The following BUB3 variants were observed in gnomAD, a reference collection of about 807,000 sequenced individuals.
BUB3 encodes the protein mitotic checkpoint protein BUB3.
BUB3 carries 22 observed loss-of-function variants against 39.9 expected under a neutral mutation model. That is an observed-to-expected ratio of 0.55 (90% CI 0.39 to 0.79). The LOEUF (loss-of-function observed/expected upper bound fraction) is 0.79, where lower values mean the gene tolerates loss of function less well. BUB3 is among the 30% of genes least tolerant of loss of function. The pLI is 0.00. For synonymous variants in BUB3, 168 were observed against 155.1 expected (o/e 1.08, Z -0.62); for missense variants, 303 against 415.4 (o/e 0.73, Z 2.35).
Position 123,162,232 on chromosome 10 carries a change from G to A in BUB3, c.577-4G>A, listed in dbSNP as rs1844433574. 1 of 1,604,596 alleles carries A rather than the reference G, an allele frequency of 6.2e-7. No individual in the cohort carries two copies. The highest frequency in any genetic ancestry group is 1.1e-5 in the South Asian group (1 of 89,752). On this transcript the variant is annotated splice_polypyrimidine_tract_variant and splice_region_variant and intron_variant, in intron 5 of 7. Transcript: ENST00000368865. ...ATTTTTTTCCTCTGGTTCTCTCTTGGCAGGGTTATGTATTAAGCTCTATTG... is the reference window on the plus strand; with the variant it reads ...ATTTTTTTCCTCTGGTTCTCTCTTGACAGGGTTATGTATTAAGCTCTATTG...
Position 123,160,545 on chromosome 10 carries a change from C to G in BUB3, c.556C>G (p.Arg186Gly). 6.2e-7 allele frequency: 1 copy of G among 1,601,514 alleles called. No homozygotes were observed. The highest frequency in any genetic ancestry group is 8.5e-7 in the Non-Finnish European group (1 of 1,176,272). ...CCTGAAATACCAGACTCGCTGCATA[C>G]GAGCGTTTCCAAACAAGCAGGTATT... is the stretch of plus-strand genomic sequence containing the variant. ...SSLKYQTRCI[R>G]AFPNKQGYVL... Residue 186 changes from arginine (R) to glycine (G), a missense_variant, in exon 5 of 8, where the codon CGA (arginine) becomes GGA (glycine). Physicochemically the swap from Arg to Gly is moderately radical, Grantham distance 125. This residue lies in a region of BUB3 where 182 missense variants were observed against 293.1 expected (regional missense o/e 0.62). Coordinates refer to ENST00000368865, the MANE Select transcript of BUB3 (RefSeq NM_004725.4).
intron 3 of BUB3, among the ~76,000 whole-genome samples, 195 bp downstream of exon 3, chr10:123,155,922 G>T (rs898682898): frequency 1.3e-5 from 2 of 152,112 alleles, no homozygotes; most frequent in African/African-American, 2.4e-5. Context: ...ATGTATTTTT[G>T]CAGTAAAGCC....
chr10:123,164,327 T>G lies in BUB3; in HGVS notation c.*492T>G. On this transcript the variant is annotated 3_prime_UTR_variant, in exon 8 of 8. Transcript: ENST00000368865. Reference sequence around the variant, plus strand: ...AATATTTCCTCTTGGCCGTCCATTATTTTCTGAAGCAGATGGTTCATCATT... The same window carrying G: ...AATATTTCCTCTTGGCCGTCCATTAGTTTCTGAAGCAGATGGTTCATCATT... The G allele has an allele frequency of 1.0e-6, 1 of 986,022 alleles. No homozygotes were observed. The highest frequency in any genetic ancestry group is 1.2e-6 in the Non-Finnish European group (1 of 830,384). 61.1% of individuals were successfully genotyped at this position (986,022 alleles called of 1,614,324 possible). A position where few individuals can be genotyped will look rare whatever the true frequency, so the allele number is the denominator to read the frequency against.
chr10:123,162,389 A>G lies in BUB3; in HGVS notation c.730A>G (p.Asn244Asp), dbSNP rs1464018349. 1.2e-6 allele frequency: 2 copies of G among 1,613,914 alleles called. No homozygotes were observed. The highest frequency in any genetic ancestry group is 1.7e-6 in the Non-Finnish European group (2 of 1,179,970). ...IYPVNAISFHNIHNTFATGGS... is the reference protein window; with the variant it reads ...IYPVNAISFHDIHNTFATGGS... ...CCCAGTCAATGCCATTTCTTTTCAC[A>G]ATATCCACAATACATTTGCCACAGG... The change falls in exon 6 of 8, where the codon AAT (asparagine) becomes GAT (aspartate). Residue 244 changes from asparagine to aspartate, a missense_variant. Physicochemically the swap from Asn to Asp is conservative, Grantham distance 23. This residue lies in a region of BUB3 where 182 missense variants were observed against 293.1 expected (regional missense o/e 0.62). Coordinates refer to ENST00000368865, the MANE Select transcript of BUB3 (RefSeq NM_004725.4).
intron 1 of BUB3, 56 bp from the exon 2 acceptor site, chr10:123,154,862 C>T (rs866852969): frequency 1.9e-6 from 3 of 1,543,802 alleles, no homozygotes; most frequent in Middle Eastern, 4.4e-4. Flanking sequence ...GCCAGGCTGT[C>T]AGTGCGCAGC....
Position 123,162,747 on chromosome 10 carries a change from A to G in BUB3, c.890A>G (p.Tyr297Cys). The change falls in exon 7 of 8, where the codon TAT becomes TGT. Residue 297 changes from tyrosine (Y) to cysteine (C), a missense_variant. This residue lies in a region of BUB3 where 182 missense variants were observed against 293.1 expected (regional missense o/e 0.62). Coordinates refer to ENST00000368865, the MANE Select transcript of BUB3 (RefSeq NM_004725.4). ...ACTACGCTTGCAATAGCGTCATCAT[A>G]TATGTATGAAATGGATGACACAGAA... ...DGTTLAIASSYMYEMDDTEHP... is the reference protein window; with the variant it reads ...DGTTLAIASSCMYEMDDTEHP... The G allele has an allele frequency of 6.2e-7, 1 of 1,614,012 alleles. No homozygotes were observed. Among genetic ancestry groups the G allele is most frequent in the Non-Finnish European group, 8.5e-7 (1 of 1,179,944 alleles).
In BUB3 at chr10:123,170,428, G is replaced by C. The variant is rs1844534598; in HGVS notation, c.*6593G>C. ...ATTTTAAAAAGTTCAATGTTTTTCT[G>C]TATTTTATCTCTTCATTTTAAAATA... On this transcript the variant is annotated 3_prime_UTR_variant, in exon 8 of 8. Coordinates refer to ENST00000368865, the MANE Select transcript of BUB3 (RefSeq NM_004725.4). 6.6e-6 allele frequency: 1 copy of C among 152,062 alleles called. No individual in the cohort carries two copies. Among genetic ancestry groups the C allele is most frequent in the Non-Finnish European group, 1.5e-5 (1 of 67,998 alleles). The allele number at this position is 152,062 out of a possible 1,614,324, so 9.4% of individuals were successfully genotyped here. A position where few individuals can be genotyped will look rare whatever the true frequency, so the allele number is the denominator to read the frequency against.
Position 123,164,057 on chromosome 10 carries a change from G to A in BUB3, c.*222G>A. ...GGTTTGCTGCATTAAAGGTATTTGG[G>A]CAAACAAAATTGGAGGGCAAGTGAC... is the stretch of plus-strand genomic sequence containing the variant. On this transcript the variant is annotated 3_prime_UTR_variant, in exon 8 of 8. Transcript: ENST00000368865. The A allele has an allele frequency of 8.2e-7, 1 of 1,218,436 alleles. No individual in the cohort carries two copies. The highest frequency in any genetic ancestry group is 1.0e-6 in the Non-Finnish European group (1 of 977,360). The allele number at this position is 1,218,436 out of a possible 1,614,324, so 75.5% of individuals were successfully genotyped here. A position where few individuals can be genotyped will look rare whatever the true frequency, so the allele number is the denominator to read the frequency against.
rs549131386 is a variant in BUB3, at chr10:123,157,996, A to G, written c.417+116A>G. 319 of 1,131,496 alleles carry G rather than the reference A, an allele frequency of 2.8e-4. 5 individuals are homozygous for G. The South Asian group carries it at 6.6e-3, about 24-fold the overall frequency. The allele number at this position is 1,131,496 out of a possible 1,614,324, so 70.1% of individuals were successfully genotyped here. ...AGGTGAAAAGTCAACATGGGGGGAAAAAAGGTTGACAGTTGGTTTTATAAA... is the reference window on the plus strand; with the variant it reads ...AGGTGAAAAGTCAACATGGGGGGAAGAAAGGTTGACAGTTGGTTTTATAAA... On this transcript the variant is annotated intron_variant, in intron 4 of 7. Coordinates refer to ENST00000368865, the MANE Select transcript of BUB3 (RefSeq NM_004725.4).
intron 1 of BUB3, 122 bp downstream of exon 1, chr10:123,154,607 T>G: frequency 3.5e-6 from 1 of 286,364 alleles, no homozygotes; most frequent in South Asian, 7.4e-5. Context: ...TCCCTTTATT[T>G]TTAGGAGTGC....
chr10:123,167,470 G>A lies in BUB3; in HGVS notation c.*3635G>A, dbSNP rs886561547. 6.6e-6 allele frequency: 1 copy of A among 152,028 alleles called. No individual in the cohort carries two copies. The allele number at this position is 152,028 out of a possible 1,614,324, so 9.4% of individuals were successfully genotyped here. A position where few individuals can be genotyped will look rare whatever the true frequency, so the allele number is the denominator to read the frequency against. ...TATTGCCTGGCATTTAAACATTTTT[G>A]TATGCGTACATCTTGCTTTCCTACT... On this transcript the variant is annotated 3_prime_UTR_variant, in exon 8 of 8. Transcript: ENST00000368865.
chr10:123,165,237 A>T lies in BUB3; in HGVS notation c.*1402A>T. The T allele has an allele frequency of 1.6e-6, 1 of 609,174 alleles. No individual in the cohort carries two copies. The highest frequency in any genetic ancestry group is 4.5e-4 in the Middle Eastern group (1 of 2,214). 37.7% of individuals were successfully genotyped at this position (609,174 alleles called of 1,614,324 possible). A position where few individuals can be genotyped will look rare whatever the true frequency, so the allele number is the denominator to read the frequency against. On this transcript the variant is annotated 3_prime_UTR_variant, in exon 8 of 8. Transcript: ENST00000368865. Reference sequence around the variant, plus strand: ...AGGAGTCTTTGTGTCCCTGTACAGTAGTCTGACGTATTTCCCCTTCTGTCC... The same window carrying T: ...AGGAGTCTTTGTGTCCCTGTACAGTTGTCTGACGTATTTCCCCTTCTGTCC...
chr10:123,160,206 T>A (rs1844402494), intron 4 of BUB3, among the ~76,000 whole-genome samples: 1 of 152,194 alleles, frequency 6.6e-6, no homozygotes, highest in African/African-American at 2.4e-5. Flanking sequence ...CTTGGTGAAG[T>A]ATGGAGAGCA....
chr10:123,156,753 G>GTTTTTTTTTTTTTTTTTT lies in BUB3; in HGVS notation c.266-965_266-964insTTTTTTTTTTTTTTTTTT, dbSNP rs756642442. On this transcript the variant is annotated intron_variant, in intron 3 of 7. Coordinates refer to ENST00000368865, the MANE Select transcript of BUB3 (RefSeq NM_004725.4). ...ATGAAATCCTTTCTTTTTCTTTCTTGTTTTTTTTTTTGAGCTAGAGTCTCA... is the reference window on the plus strand; with the variant it reads ...ATGAAATCCTTTCTTTTTCTTTCTTGTTTTTTTTTTTTTTTTTTTTTTTTTTTTTGAGCTAGAGTCTCA... 1.1e-3 allele frequency among the ~76,000 whole-genome samples: 148 copies of GTTTTTTTTTTTTTTTTTT among 135,034 alleles called. 5 individuals carry two copies. In the East Asian group the frequency reaches 0.012, roughly 11 times the overall value. 88.6% of individuals were successfully genotyped at this position (135,034 alleles called of 152,430 possible).
chr10:123,157,960 G>A, intron 4 of BUB3, 80 bp downstream of exon 4: 2 of 1,378,534 alleles, frequency 1.5e-6, no homozygotes, highest in Non-Finnish European at 1.9e-6. Context: ...GACTATGCTT[G>A]TTGAATTTAA....
Position 123,162,663 on chromosome 10 carries a change from T to A in BUB3, c.806T>A (p.Leu269Gln). Residue 269 changes from leucine (L) to glutamine (Q), a missense_variant, in exon 7 of 8, where the codon CTG (leucine) becomes CAG (glutamine). Physicochemically the swap from Leu to Gln is moderately radical, Grantham distance 113 (BLOSUM62 -2). Coordinates refer to ENST00000368865, the MANE Select transcript of BUB3 (RefSeq NM_004725.4). ...NIWDPFNKKR[L>Q]CQFHRYPTSI... Reference sequence around the variant, plus strand: ...TGGGATCCATTTAACAAAAAGCGACTGTGCCAATTCCATCGGTACCCCACG... The same window carrying A: ...TGGGATCCATTTAACAAAAAGCGACAGTGCCAATTCCATCGGTACCCCACG... 1 of 1,599,456 alleles carries A rather than the reference T, an allele frequency of 6.3e-7. No homozygotes were observed. Among genetic ancestry groups the A allele is most frequent in the Non-Finnish European group, 8.5e-7 (1 of 1,176,696 alleles).
intron 1 of BUB3, 30 bp from the exon 2 acceptor site, chr10:123,154,888 C>A: frequency 6.3e-7 from 1 of 1,588,912 alleles, no homozygotes. Context: ...CCCGCGGGAC[C>A]CCTGGGGACT....
intron 3 of BUB3, 82 bp from the exon 4 acceptor site, chr10:123,157,642 GTTTCT>G: frequency 7.0e-7 from 1 of 1,429,694 alleles, no homozygotes; most frequent in Non-Finnish European, 9.4e-7. Context: ...TTGAATGAAT[GTTTCT>G]TTTAATTGTT....
intron 3 of BUB3, among the ~76,000 whole-genome samples, chr10:123,156,095 A>C (rs1486457818): frequency 6.6e-6 from 1 of 152,222 alleles, no homozygotes; most frequent in Non-Finnish European, 1.5e-5. Context: ...AAGCTAATTT[A>C]GTTTTCAGAA....
Sources: gnomAD v4.1 joint callset for allele counts (sites outside exome capture counted in the v4.1 genomes callset) on GRCh38, gnomAD v4.1.1 for gene constraint, gnomAD v4.1.1 regional missense constraint, MANE v1.5 for transcripts, NCBI Gene and HGNC (gene_info 2026-07-23, HGNC 2026-07-21) for gene names.